TVP23C: variants seen among roughly 807,000 people sequenced by gnomAD.
TVP23C encodes the protein trans-golgi network vesicle protein 23 homolog C.
A neutral mutation model predicts 28.7 loss-of-function variants in TVP23C; 19 were observed. The ratio of observed to expected loss-of-function variants is 0.66; its 90% CI spans 0.46 to 0.97. The LOEUF (loss-of-function observed/expected upper bound fraction) is 0.97, where lower values mean the gene tolerates loss of function less well. TVP23C is among the 50% of genes least tolerant of loss of function. TVP23C has a pLI of 0.00. For synonymous variants in TVP23C, 68 were observed against 81.7 expected, an observed-to-expected ratio of 0.83 and a Z score of 0.90; for missense variants, 186 against 241.3, an observed-to-expected ratio of 0.77 and a Z score of 1.52.
intron 5 of TVP23C, among the ~76,000 whole-genome samples, chr17:15,512,344 G>T (rs904283378): frequency 6.6e-6 from 1 of 152,158 alleles, no homozygotes; most frequent in Admixed American, 6.5e-5. Flanking sequence ...TCGTGAGCAA[G>T]AAATCATGAG....
At chr17:15,523,849 G>A (rs1480932488) in intron 5 of TVP23C, among the ~76,000 whole-genome samples, 7 of 152,058 alleles carry the variant, frequency 4.6e-5, no homozygotes, top group East Asian at 1.9e-4. Flanking sequence ...TCCTGACCTC[G>A]TGATCTGCCC....
At chr17:15,506,757 A>C in intron 5 of TVP23C, 2 of 365,362 alleles carry the variant, frequency 5.5e-6, no homozygotes, top group East Asian at 6.3e-5. Context: ...ATCAGAAGGA[A>C]CAAACTCCAG....
downstream of TVP23C, among the ~76,000 whole-genome samples, chr17:15,536,396 C>T (rs576722871): frequency 2.0e-5 from 3 of 152,274 alleles, no homozygotes; most frequent in East Asian, 5.8e-4. Flanking sequence ...AAGGATACTT[C>T]CTGGAAGTGT....
chr17:15,507,096 G>A (rs1354902336), intron 5 of TVP23C: 35 of 1,082,910 alleles, frequency 3.2e-5, no homozygotes, highest in Admixed American at 2.9e-4. Context: ...GTGCCTCTAC[G>A]GGGAGAAATT....
At position 15,538,580 on chromosome 17, in the gene TVP23C, G is replaced by C. The variant is rs1247947235; in HGVS notation, c.*1832C>G. The C allele has an allele frequency of 1.1e-5, 11 of 969,432 alleles. No individual in the cohort carries two copies. Among genetic ancestry groups the C allele is most frequent in the Non-Finnish European group, 1.3e-5 (11 of 815,614 alleles). 60.1% of individuals were successfully genotyped at this position (969,432 alleles called of 1,614,324 possible). ...ACTCCAGCCTGGGCAAACAGAGTGA[G>C]ACTCTGTCTCAAAAAAAATAAATAA... On this transcript the variant is annotated 3_prime_UTR_variant, in exon 6 of 6. Transcript: ENST00000518321.
downstream of TVP23C, among the ~76,000 whole-genome samples, chr17:15,535,979 G>A (rs1307988514): frequency 6.6e-6 from 1 of 152,102 alleles, no homozygotes; most frequent in African/African-American, 2.4e-5. Flanking sequence ...ATCACCTAAG[G>A]TCAGGAATTC....
intron 5 of TVP23C, among the ~76,000 whole-genome samples, chr17:15,504,680 C>T (rs1597498870): frequency 1.3e-5 from 2 of 152,112 alleles, no homozygotes; most frequent in South Asian, 4.2e-4. Context: ...ACTACAGGCA[C>T]GCACCACCAT....
At chr17:15,506,318 A>G (rs8064461) in intron 5 of TVP23C, among the ~76,000 whole-genome samples, 39,553 of 143,214 alleles carry the variant, frequency 0.28, 5,970 homozygotes, top group African/African-American at 0.43. Context: ...CTCAGGGATT[A>G]TAAATACACC....
At chr17:15,521,792 C>T (rs1375830351) in intron 5 of TVP23C, among the ~76,000 whole-genome samples, 2 of 152,198 alleles carry the variant, frequency 1.3e-5, no homozygotes, top group South Asian at 2.1e-4. Flanking sequence ...TAAGATATAA[C>T]GACAAACATA....
chr17:15,523,007 GC>G (rs1296337188), intron 5 of TVP23C, among the ~76,000 whole-genome samples: 3 of 151,878 alleles, frequency 2.0e-5, no homozygotes, highest in African/African-American at 7.3e-5. Flanking sequence ...AAGTTATAGA[GC>G]AGAATTTTTT....
chr17:15,532,343 A>G (rs567538921), downstream of TVP23C, among the ~76,000 whole-genome samples: 218 of 152,312 alleles, frequency 1.4e-3, 2 homozygotes, highest in African/African-American at 4.9e-3. Flanking sequence ...GGACTATTCC[A>G]GGGAGCTGCC....
At chr17:15,551,537 C>T (rs1418142809) in intron 3 of TVP23C, among the ~76,000 whole-genome samples, 1 of 151,928 alleles carries the variant, frequency 6.6e-6, no homozygotes, top group Non-Finnish European at 1.5e-5. Flanking sequence ...CCTTCTCTAC[C>T]TCTTCTTTAT....
chr17:15,532,306 G>A (rs1474759676), downstream of TVP23C, among the ~76,000 whole-genome samples: 1 of 152,188 alleles, frequency 6.6e-6, no homozygotes, highest in Non-Finnish European at 1.5e-5. Flanking sequence ...CCTGAGTTGG[G>A]TTAAATGAAG....
At position 15,539,178 on chromosome 17, in the gene TVP23C, G is replaced by A. The variant is rs1983293154; in HGVS notation, c.*1234C>T. The A allele has an allele frequency of 1.1e-6, 1 of 945,912 alleles. No individual in the cohort carries two copies. Among genetic ancestry groups the A allele is most frequent in the African/African-American group, 1.8e-5 (1 of 56,524 alleles). 58.6% of individuals were successfully genotyped at this position (945,912 alleles called of 1,614,324 possible). On this transcript the variant is annotated 3_prime_UTR_variant, in exon 6 of 6. Transcript: ENST00000518321. ...CACCCCCAGATCTACTGAATAAGGAGTCTGGAGGTGGAACCCAGCAATCTT... is the reference window on the plus strand; with the variant it reads ...CACCCCCAGATCTACTGAATAAGGAATCTGGAGGTGGAACCCAGCAATCTT...
intron 1 of TVP23C, 160 bp downstream of exon 1, chr17:15,563,259 GGCCTCAGAACCCCCAGCA>G: frequency 8.3e-7 from 1 of 1,205,934 alleles, no homozygotes. Flanking sequence ...CTCCCCCAGC[GGCCTCAGAACCCCCAGCA>G]GCCCTCCTCA....
At chr17:15,522,695 G>C (rs1056687785) in intron 5 of TVP23C, among the ~76,000 whole-genome samples, 1 of 152,126 alleles carries the variant, frequency 6.6e-6, no homozygotes, top group African/African-American at 2.4e-5. Flanking sequence ...ATTGAAAAGA[G>C]AAGTCATAAA....
chr17:15,536,629 C>T (rs1983169404), downstream of TVP23C, among the ~76,000 whole-genome samples: 3 of 151,562 alleles, frequency 2.0e-5, no homozygotes, highest in Admixed American at 1.3e-4. Context: ...AACACAGTTA[C>T]CTAAAGAACT....
chr17:15,506,905 G>A (rs753269903), intron 5 of TVP23C: 16 of 960,412 alleles, frequency 1.7e-5, no homozygotes, highest in African/African-American at 3.2e-5. Context: ...CGCCATCAAC[G>A]GGGAGCCCTT....
intron 5 of TVP23C, among the ~76,000 whole-genome samples, chr17:15,521,257 C>A (rs1353809734): frequency 3.9e-5 from 6 of 152,134 alleles, no homozygotes; most frequent in African/African-American, 1.4e-4. Context: ...GTAATCCCAG[C>A]AGTTTGGGAG....
Sources: allele counts gnomAD v4.1 joint callset (sites outside exome capture counted in the v4.1 genomes callset), GRCh38; gene constraint gnomAD v4.1.1; transcripts MANE v1.5; gene names NCBI Gene and HGNC (gene_info 2026-07-23, HGNC 2026-07-21).